The following ACYP2 variants were observed in gnomAD, a reference collection of about 807,000 sequenced individuals.
ACYP2 encodes the protein acylphosphatase 2.
In ACYP2, 12 loss-of-function variants were observed where a neutral mutation model predicts 11.2. The observed-to-expected ratio is 1.08, with a 90% CI of 0.69 to 1.74. ACYP2 has a LOEUF of 1.74. Ranked by LOEUF, ACYP2 falls within the 40% of genes most tolerant of loss-of-function variation. ACYP2 has a pLI of 0.00. For synonymous variants in ACYP2, 43 were observed against 32.2 expected, an observed-to-expected ratio of 1.33 and a Z score of -1.13; for missense variants, 134 against 101.9, an observed-to-expected ratio of 1.31 and a Z score of -1.35.
intron 6 of ACYP2, among the ~76,000 whole-genome samples, chr2:54,238,055 T>A (rs1686572487): frequency 6.6e-6 from 1 of 152,204 alleles, no homozygotes; most frequent in African/African-American, 2.4e-5. Flanking sequence ...TCAAGATATG[T>A]CTAAGACTCA....
intron 2 of ACYP2, among the ~76,000 whole-genome samples, chr2:54,011,033 A>C (rs1057514): frequency 0.011 from 1,638 of 152,194 alleles, 27 homozygotes; most frequent in African/African-American, 0.038. Flanking sequence ...AGGAACAAAG[A>C]AAGGCTAAAA....
intron 6 of ACYP2, among the ~76,000 whole-genome samples, chr2:54,149,852 G>T (rs541365172): frequency 6.6e-6 from 1 of 152,314 alleles, no homozygotes; most frequent in East Asian, 1.9e-4. Context: ...AATGCTTGAA[G>T]GCATTGGGGA....
At chr2:54,242,582 C>T (rs1320884076) in intron 6 of ACYP2, among the ~76,000 whole-genome samples, 2 of 152,216 alleles carry the variant, frequency 1.3e-5, no homozygotes, top group African/African-American at 2.4e-5. Context: ...GCATATATAA[C>T]AGTGGTCCCA....
chr2:54,202,005 G>A (rs552952308), intron 6 of ACYP2, among the ~76,000 whole-genome samples: 1 of 151,088 alleles, frequency 6.6e-6, no homozygotes, highest in South Asian at 2.1e-4. Context: ...ACTGTGCCTG[G>A]CCCACTTATT....
At chr2:54,113,799 A>C (rs1558537039) in intron 4 of ACYP2, among the ~76,000 whole-genome samples, 1 of 151,944 alleles carries the variant, frequency 6.6e-6, no homozygotes, top group Non-Finnish European at 1.5e-5. Flanking sequence ...AGAATAACCG[A>C]GAGTGTCTTG....
chr2:54,071,384 T>C (rs1322939135), intron 4 of ACYP2, among the ~76,000 whole-genome samples: 3 of 151,990 alleles, frequency 2.0e-5, no homozygotes, highest in African/African-American at 7.2e-5. Context: ...GTGTACAAAA[T>C]ACAAAGGAAT....
chr2:54,152,765 G>A (rs1007355729), intron 6 of ACYP2, among the ~76,000 whole-genome samples: 6 of 151,900 alleles, frequency 3.9e-5, no homozygotes, highest in Non-Finnish European at 7.4e-5. Context: ...TTATTGTTTG[G>A]GTGTGCCACA....
intron 6 of ACYP2, among the ~76,000 whole-genome samples, chr2:54,201,263 G>T (rs937259641): frequency 6.6e-6 from 1 of 151,928 alleles, no homozygotes; most frequent in African/African-American, 2.4e-5. Context: ...CCGCCACCAC[G>T]CCCGACTAAT....
intron 6 of ACYP2, among the ~76,000 whole-genome samples, chr2:54,284,402 G>C (rs377691504): frequency 6.4e-4 from 97 of 152,146 alleles, no homozygotes; most frequent in African/African-American, 2.2e-3. Context: ...TTGAGCATTT[G>C]CTACCCTCAA....
At chr2:54,121,401 C>G (rs1426703228) in intron 4 of ACYP2, among the ~76,000 whole-genome samples, 1 of 152,178 alleles carries the variant, frequency 6.6e-6, no homozygotes, top group African/African-American at 2.4e-5. Flanking sequence ...GAACTGGCAA[C>G]TCGGTTTCAG....
chr2:54,208,224 A>G (rs946780054), intron 6 of ACYP2, among the ~76,000 whole-genome samples: 28 of 150,534 alleles, frequency 1.9e-4, no homozygotes, highest in African/African-American at 6.1e-4. Context: ...TTTCCCCCCT[A>G]TATCCCTAAA....
At chr2:54,099,215 A>G (rs1678754454) in intron 4 of ACYP2, among the ~76,000 whole-genome samples, 1 of 152,216 alleles carries the variant, frequency 6.6e-6, no homozygotes, top group South Asian at 2.1e-4. Context: ...TGAAATATGT[A>G]TATGTTGCAG....
chr2:54,188,829 G>A (rs147482415), intron 6 of ACYP2, among the ~76,000 whole-genome samples: 31 of 152,200 alleles, frequency 2.0e-4, no homozygotes, highest in Non-Finnish European at 4.3e-4. Context: ...CAGCACTGGC[G>A]TAGGCTTCAC....
chr2:54,128,050 A>G (rs1037912293), intron 4 of ACYP2, among the ~76,000 whole-genome samples: 7 of 152,210 alleles, frequency 4.6e-5, no homozygotes, highest in Non-Finnish European at 7.3e-5. Context: ...AGTGTTTTAT[A>G]AAGTGCTTCC....
chr2:54,059,408 T>A (rs546455108), intron 4 of ACYP2, among the ~76,000 whole-genome samples: 2 of 151,962 alleles, frequency 1.3e-5, no homozygotes, highest in African/African-American at 4.8e-5. Context: ...TTAGTAGAGA[T>A]AGGGTTTCAC....
intron 2 of ACYP2, among the ~76,000 whole-genome samples, chr2:54,035,365 A>G (rs1463715031): frequency 6.8e-6 from 1 of 146,920 alleles, no homozygotes; most frequent in Non-Finnish European, 1.5e-5. Flanking sequence ...TCCCGGGTTC[A>G]CGCCATTCTC....
intron 4 of ACYP2, among the ~76,000 whole-genome samples, chr2:54,117,777 T>C (rs577939449): frequency 2.2e-4 from 34 of 152,310 alleles, no homozygotes; most frequent in Non-Finnish European, 3.4e-4. Context: ...AATTTTATTT[T>C]TATTTCCTAT....
intron 4 of ACYP2, among the ~76,000 whole-genome samples, chr2:54,068,966 G>A (rs547586836): frequency 1.2e-4 from 18 of 151,226 alleles, no homozygotes; most frequent in South Asian, 2.1e-4. Flanking sequence ...TCTCTCTGTC[G>A]CCCCGGCTGG....
At chr2:54,174,436 G>A (rs1235199683) in intron 6 of ACYP2, among the ~76,000 whole-genome samples, 3 of 152,114 alleles carry the variant, frequency 2.0e-5, no homozygotes, top group Non-Finnish European at 2.9e-5. Flanking sequence ...TGAGACGATG[G>A]GGTTTTCTAA....
Sources: gnomAD v4.1 joint callset for allele counts (sites outside exome capture counted in the v4.1 genomes callset) on GRCh38, gnomAD v4.1.1 for gene constraint, MANE v1.5 for transcripts, NCBI Gene and HGNC (gene_info 2026-07-23, HGNC 2026-07-21) for gene names.